The following DPP10 variants were observed in gnomAD, a reference collection of about 807,000 sequenced individuals.
DPP10 encodes the protein dipeptidyl peptidase like 10, also known as inactive dipeptidyl peptidase 10.
Under a neutral mutation model 120.9 loss-of-function variants are expected in DPP10, and 33 were observed. The ratio of observed to expected loss-of-function variants is 0.27; its 90% CI spans 0.21 to 0.37. The LOEUF is 0.37. DPP10 is among the 10% of genes least tolerant of loss of function. The probability of loss-of-function intolerance (pLI) is 1.00; values close to 1 mark genes in which losing one functional copy is unlikely to be tolerated. For missense variants in DPP10, 816 were observed against 942.8 expected, an observed-to-expected ratio of 0.87 and a Z score of 1.76; for synonymous variants, 337 against 326.1, an observed-to-expected ratio of 1.03 and a Z score of -0.36.
intron 2 of DPP10, among the ~76,000 whole-genome samples, chr2:115,328,628 G>A (rs952119140): frequency 6.6e-6 from 1 of 152,028 alleles, no homozygotes; most frequent in African/African-American, 2.4e-5. Flanking sequence ...TTTTGTGTGT[G>A]TGCAAGCATG....
At chr2:114,778,272 T>C (rs1681942004) in intron 1 of DPP10, among the ~76,000 whole-genome samples, 1 of 152,140 alleles carries the variant, frequency 6.6e-6, no homozygotes, top group African/African-American at 2.4e-5. Context: ...GTTACTAAAG[T>C]ATATTATATA....
In DPP10 at chr2:115,597,445, C is replaced by T. The variant is rs182029874; in HGVS notation, c.441+71473C>T. 2.6e-4 allele frequency among the ~76,000 whole-genome samples: 40 copies of T among 151,702 alleles called. No individual in the cohort carries two copies. In the East Asian group the frequency reaches 6.2e-3, roughly 23 times the overall value. ...AGGAAGCAAACGTAAGTACCATGTA[C>T]ATAATTTAGAAAAAAGTTTTAGCCA... is the stretch of plus-strand genomic sequence containing the variant. On this transcript the variant is annotated intron_variant, in intron 5 of 25. Transcript: ENST00000410059.
intron 3 of DPP10, among the ~76,000 whole-genome samples, chr2:115,458,018 C>T (rs757665588): frequency 6.6e-5 from 10 of 151,916 alleles, no homozygotes; most frequent in Non-Finnish European, 1.2e-4. Flanking sequence ...TGGATAAGTC[C>T]TGAAAACATT....
intron 1 of DPP10, among the ~76,000 whole-genome samples, chr2:115,133,141 GTGTGTATATA>G (rs1197419575): frequency 1.1e-3 from 39 of 35,372 alleles, no homozygotes; most frequent in South Asian, 2.9e-3. Context: ...GTGTGTGTGT[GTGTGTATATA>G]TATATATATA....
intron 1 of DPP10, among the ~76,000 whole-genome samples, chr2:114,514,952 A>T (rs555765823): frequency 1.2e-4 from 18 of 152,300 alleles, no homozygotes; most frequent in African/African-American, 4.3e-4. Flanking sequence ...TGTTGATGTT[A>T]GTAAGGAAAA....
chr2:115,028,746 G>A (rs1703642542), intron 1 of DPP10, among the ~76,000 whole-genome samples: 1 of 151,974 alleles, frequency 6.6e-6, no homozygotes, highest in Non-Finnish European at 1.5e-5. Flanking sequence ...CTCCTGTGTG[G>A]GGTGCATAGA....
chr2:115,193,570 T>G (rs547419977), intron 1 of DPP10, among the ~76,000 whole-genome samples: 4 of 152,318 alleles, frequency 2.6e-5, no homozygotes, highest in Non-Finnish European at 5.9e-5. Context: ...ATTAATTCCT[T>G]GTGGAACAGG....
chr2:114,644,352 G>C (rs1454259616), intron 1 of DPP10, among the ~76,000 whole-genome samples: 14 of 151,008 alleles, frequency 9.3e-5, no homozygotes, highest in Admixed American at 7.2e-4. Context: ...CTGTGTGTGT[G>C]TGTGTGTGTG....
At position 115,350,245 on chromosome 2, in the gene DPP10, TTATA is replaced by T. The variant is rs368452828; in HGVS notation, c.271+6340_271+6343del. Among the ~76,000 whole-genome samples the T allele has an allele frequency of 1.6e-4, 25 of 152,164 alleles. No homozygotes were observed. The South Asian group carries it at 4.8e-3, about 29-fold the overall frequency. ...TAATTGAAAATAGCACAATATGGAA[TTATA>T]TATATAGTGTATTCACAATTGCATT... On this transcript the variant is annotated intron_variant, in intron 3 of 25. Transcript: ENST00000410059.
intron 1 of DPP10, among the ~76,000 whole-genome samples, chr2:114,878,297 A>G (rs892828060): frequency 7.2e-5 from 11 of 152,076 alleles, no homozygotes; most frequent in African/African-American, 2.7e-4. Context: ...ATTCATTTAT[A>G]TTTTATTGAT....
At chr2:114,602,558 C>T (rs959035764) in intron 1 of DPP10, among the ~76,000 whole-genome samples, 1 of 151,938 alleles carries the variant, frequency 6.6e-6, no homozygotes, top group Admixed American at 6.6e-5. Context: ...AGTGGGCTCT[C>T]AACCTATATC....
intron 1 of DPP10, among the ~76,000 whole-genome samples, chr2:114,483,941 C>G (rs1681280962): frequency 6.6e-6 from 1 of 152,100 alleles, no homozygotes; most frequent in African/African-American, 2.4e-5. Context: ...CCCATCAGTC[C>G]CTTTGAACAC....
chr2:115,079,633 C>T (rs1708102083), intron 1 of DPP10, among the ~76,000 whole-genome samples: 2 of 152,092 alleles, frequency 1.3e-5, no homozygotes, highest in African/African-American at 2.4e-5. Flanking sequence ...CATGGGACCA[C>T]AGGAAAAGCA....
intron 1 of DPP10, among the ~76,000 whole-genome samples, chr2:114,479,522 G>A (rs1479357835): frequency 1.3e-5 from 2 of 152,056 alleles, no homozygotes; most frequent in Admixed American, 1.3e-4. Flanking sequence ...CAGAGATATA[G>A]ACCAATGGAT....
chr2:114,816,039 A>T (rs1441036017), intron 1 of DPP10, among the ~76,000 whole-genome samples: 1 of 152,182 alleles, frequency 6.6e-6, no homozygotes, highest in Non-Finnish European at 1.5e-5. Context: ...TTACTCTTGA[A>T]ATAAAGGCCA....
At chr2:115,684,996 T>C (rs1055706530) in intron 5 of DPP10, among the ~76,000 whole-genome samples, 2 of 151,938 alleles carry the variant, frequency 1.3e-5, no homozygotes, top group Non-Finnish European at 2.9e-5. Flanking sequence ...TGAAAGGTAG[T>C]GTGCAGAAAG....
chr2:114,967,937 A>C (rs1441711599), intron 1 of DPP10, among the ~76,000 whole-genome samples: 1 of 152,128 alleles, frequency 6.6e-6, no homozygotes, highest in Non-Finnish European at 1.5e-5. Flanking sequence ...ACTTAGGCTT[A>C]TCGAATAAAA....
intron 1 of DPP10, among the ~76,000 whole-genome samples, chr2:115,259,978 G>A (rs4353660): frequency 0.79 from 120,009 of 151,284 alleles, 47,822 homozygotes; most frequent in East Asian, 0.89. Context: ...TTTAAAATAT[G>A]TTTTACCTTA....
chr2:115,545,716 A>T (rs1312400763), intron 5 of DPP10, among the ~76,000 whole-genome samples: 2 of 152,152 alleles, frequency 1.3e-5, no homozygotes, highest in Non-Finnish European at 2.9e-5. Context: ...CAAATCCTCA[A>T]GGGCTCATAA....
Sources: allele counts gnomAD v4.1 joint callset (sites outside exome capture counted in the v4.1 genomes callset), GRCh38; gene constraint gnomAD v4.1.1; transcripts MANE v1.5; gene names NCBI Gene and HGNC (gene_info 2026-07-23, HGNC 2026-07-21).